ABR: variants seen among roughly 807,000 people sequenced by gnomAD.
ABR encodes the protein active breakpoint cluster region-related protein.
Under a neutral mutation model 107.2 loss-of-function variants are expected in ABR, and 35 were observed. The observed-to-expected ratio is 0.33, with a 90% confidence interval of 0.25 to 0.43. The LOEUF is 0.43. ABR is among the 20% of genes least tolerant of loss of function. The pLI, the probability that ABR is intolerant of heterozygous loss-of-function variation, is 1.00. For missense variants in ABR, 815 were observed against 1,115.2 expected (o/e 0.73, Z 3.83); for synonymous variants, 498 against 462.0 (o/e 1.08, Z -1.00).
intron 1 of ABR, among the ~76,000 whole-genome samples, chr17:1,125,912 A>G (rs1214246915): frequency 6.6e-6 from 1 of 152,080 alleles, no homozygotes. Context: ...CCCCGCACGG[A>G]GGACGGAGCC....
At position 1,223,359 on chromosome 17, in the gene ABR, G is replaced by A. The variant is rs75962389; in HGVS notation, c.838+5434C>T. ...CGAATACCCTCCATCGTCACTCTACGCCAGGTGTTCTGCTACACTCTTTAA... is the reference window on the plus strand; with the variant it reads ...CGAATACCCTCCATCGTCACTCTACACCAGGTGTTCTGCTACACTCTTTAA... On this transcript the variant is annotated intron_variant, in intron 1 of 22. Coordinates refer to the ABR transcript ENST00000574139. Among the ~76,000 whole-genome samples, 524 of 143,938 alleles carry A rather than the reference G, an allele frequency of 3.6e-3. 4 individuals carry two copies. The highest frequency in any genetic ancestry group is 0.021 in the Middle Eastern group (6 of 286). 94.4% of individuals were successfully genotyped at this position (143,938 alleles called of 152,430 possible).
chr17:1,209,691 T>G (rs1410324474), intron 1 of ABR, among the ~76,000 whole-genome samples: 2 of 152,176 alleles, frequency 1.3e-5, no homozygotes, highest in African/African-American at 2.4e-5. Flanking sequence ...GTGGGTGGTG[T>G]TTTATTGTCC....
chr17:1,065,354 T>C (rs2034589311), intron 10 of ABR, among the ~76,000 whole-genome samples: 1 of 48,594 alleles, frequency 2.1e-5, no homozygotes, highest in Non-Finnish European at 3.8e-5. Context: ...CTCTAGATGC[T>C]GCTGTTACGT....
At chr17:1,045,137 G>A (rs182419199) in intron 16 of ABR, among the ~76,000 whole-genome samples, 1 of 152,350 alleles carries the variant, frequency 6.6e-6, no homozygotes. Context: ...GCCGGAGGAA[G>A]GATGGTTTCT....
At chr17:1,161,801 C>T (rs952700976) in intron 1 of ABR, among the ~76,000 whole-genome samples, 16 of 152,212 alleles carry the variant, frequency 1.1e-4, no homozygotes, top group East Asian at 3.9e-4. Context: ...GTGATCCACC[C>T]GCCTCGACCT....
intron 6 of ABR, among the ~76,000 whole-genome samples, chr17:1,077,711 A>G (rs1281899011): frequency 7.2e-5 from 11 of 152,178 alleles, no homozygotes; most frequent in Admixed American, 4.6e-4. Context: ...AGCCTTCGAC[A>G]AGGAGCTCCA....
intron 2 of ABR, among the ~76,000 whole-genome samples, chr17:1,103,361 G>T (rs1056870908): frequency 6.6e-6 from 1 of 152,110 alleles, no homozygotes; most frequent in African/African-American, 2.4e-5. Context: ...ACCCTCAGGG[G>T]TCTTCCTGCT....
At chr17:1,152,148 G>A (rs2151534016) in intron 1 of ABR, among the ~76,000 whole-genome samples, 1 of 152,380 alleles carries the variant, frequency 6.6e-6, no homozygotes, top group South Asian at 2.1e-4. Flanking sequence ...AAGTTAGCTA[G>A]GTGTGGTGGC....
chr17:1,022,864 T>C (rs2071803389), intron 16 of ABR, among the ~76,000 whole-genome samples: 2 of 152,076 alleles, frequency 1.3e-5, no homozygotes, highest in Admixed American at 1.3e-4. Flanking sequence ...AACTTCGAAG[T>C]TCCCCAAGCC....
intron 2 of ABR, among the ~76,000 whole-genome samples, chr17:1,111,050 C>T (rs965235191): frequency 6.6e-6 from 1 of 152,186 alleles, no homozygotes; most frequent in Non-Finnish European, 1.5e-5. Context: ...TTCTGTCTCC[C>T]GCCCGGCGGG....
rs570105783 is a variant in ABR, at chr17:1,060,983, G to A, written c.1183-2116C>T. The stretch of plus-strand genomic sequence containing the variant: ...CTCCAGCCTGGGCGACAGTGACAAA[G>A]TGAGACTCCATCTCAAAAAAAAACA... On this transcript the variant is annotated intron_variant, in intron 10 of 22. Transcript: ENST00000302538. Among the ~76,000 whole-genome samples the A allele has an allele frequency of 2.7e-3, 414 of 152,136 alleles. 6 individuals carry two copies. Among genetic ancestry groups the A allele is most frequent in the Non-Finnish European group, 2.4e-3 (162 of 67,992 alleles).
chr17:1,188,235 A>G (rs2042354182), upstream of ABR, among the ~76,000 whole-genome samples: 1 of 151,556 alleles, frequency 6.6e-6, no homozygotes, highest in Non-Finnish European at 1.5e-5. Context: ...AATAAAAATA[A>G]CAATGTGTGG....
At chr17:1,227,281 C>T (rs775338236) in intron 1 of ABR, among the ~76,000 whole-genome samples, 1 of 152,102 alleles carries the variant, frequency 6.6e-6, no homozygotes, top group Non-Finnish European at 1.5e-5. Flanking sequence ...CTGGGCACCC[C>T]GGGGAGGGTG....
chr17:1,216,471 G>A (rs1474035571), intron 1 of ABR, among the ~76,000 whole-genome samples: 2 of 152,208 alleles, frequency 1.3e-5, no homozygotes, highest in East Asian at 1.9e-4. Context: ...GAAAGCTGAC[G>A]CCATTGGCAA....
intron 1 of ABR, among the ~76,000 whole-genome samples, chr17:1,143,763 GA>G (rs1053012245): frequency 2.0e-5 from 3 of 152,156 alleles, no homozygotes; most frequent in African/African-American, 7.2e-5. Flanking sequence ...TCCACAGCCT[GA>G]GACAAAGGAA....
At position 1,067,585 on chromosome 17, in the gene ABR, C is replaced by G. The variant is rs548183636; in HGVS notation, c.1017-343G>C. On this transcript the variant is annotated intron_variant, in intron 9 of 22. Coordinates refer to ENST00000302538, the MANE Select transcript of ABR (RefSeq NM_021962.5). ...ACATTTTCCTATTCCCCACCACAATCCCCTCCCTCCCTTCTAGACTATCCG... is the reference window on the plus strand; with the variant it reads ...ACATTTTCCTATTCCCCACCACAATGCCCTCCCTCCCTTCTAGACTATCCG... 2.6e-5 allele frequency among the ~76,000 whole-genome samples: 4 copies of G among 152,346 alleles called. No homozygotes were observed. In the East Asian group the frequency reaches 7.7e-4, roughly 29 times the overall value.
rs7218427 is a variant in ABR, at chr17:1,027,762, A to C, written c.1792-14598T>G. Among the ~76,000 whole-genome samples, 77,197 of 151,598 alleles carry C rather than the reference A, an allele frequency of 0.51. 22,355 individuals carry two copies. The highest frequency in any genetic ancestry group is 0.66 in the Admixed American group (10,119 of 15,240). On this transcript the variant is annotated intron_variant, in intron 16 of 22. Coordinates refer to ENST00000302538, the MANE Select transcript of ABR (RefSeq NM_021962.5). The surrounding 1 kb of genome is among the most constrained non-coding windows in gnomAD (Gnocchi z 4.7). ...GGTCGCTATGGGGGTGTGTGTGAACAGAGAAGACGCACGATGAAGCTTTCT... is the reference window on the plus strand; with the variant it reads ...GGTCGCTATGGGGGTGTGTGTGAACCGAGAAGACGCACGATGAAGCTTTCT...
At chr17:1,101,935 G>C (rs140447913) in intron 2 of ABR, among the ~76,000 whole-genome samples, 3 of 151,908 alleles carry the variant, frequency 2.0e-5, no homozygotes, top group Non-Finnish European at 2.9e-5. Context: ...GGATTTCACC[G>C]TGTTAGCCAG....
At chr17:1,111,465 G>T (rs1478869894) in intron 2 of ABR, among the ~76,000 whole-genome samples, 1 of 151,832 alleles carries the variant, frequency 6.6e-6, no homozygotes. Flanking sequence ...CCTGACAAAT[G>T]CCCTGAGCCA....
Sources: allele counts gnomAD v4.1 joint callset (sites outside exome capture counted in the v4.1 genomes callset), GRCh38; gene constraint gnomAD v4.1.1; non-coding constraint Gnocchi (gnomAD v3.1); transcripts MANE v1.5; gene names NCBI Gene and HGNC (gene_info 2026-07-23, HGNC 2026-07-21).